Variants in DNAH7 observed in about 807,000 individuals in gnomAD.
The protein encoded by DNAH7 is axonemal beta dynein heavy chain 7.
Under a neutral mutation model 444.6 loss-of-function variants are expected in DNAH7, and 397 were observed. The ratio of observed to expected loss-of-function variants is 0.89; its 90% CI spans 0.82 to 0.97. The LOEUF (loss-of-function observed/expected upper bound fraction) is 0.97. Ranked by LOEUF, DNAH7 falls within the 50% of genes least tolerant of loss-of-function variation. DNAH7 has a pLI of 0.00. For synonymous variants in DNAH7, 1,636 were observed against 1,624.4 expected, an observed-to-expected ratio of 1.01 and a Z score of -0.17; for missense variants, 4,902 against 4,800.8, an observed-to-expected ratio of 1.02 and a Z score of -0.62.
chr2:195,756,318 G>C, intron 61 of DNAH7, 33 bp from the exon 62 acceptor site: 1 of 1,554,770 alleles, frequency 6.4e-7, no homozygotes, highest in Non-Finnish European at 8.7e-7. Context: ...TAATATAATA[G>C]TATAGATTAT....
chr2:195,920,785 CCA>C (rs1292395082), intron 24 of DNAH7, among the ~76,000 whole-genome samples: 4 of 152,092 alleles, frequency 2.6e-5, no homozygotes, highest in Non-Finnish European at 5.9e-5. Context: ...AACAGACAAC[CCA>C]CAGAGTGGGA....
intron 59 of DNAH7, among the ~76,000 whole-genome samples, 192 bp downstream of exon 59, chr2:195,777,608 T>G (rs1695120046): frequency 6.6e-6 from 1 of 152,172 alleles, no homozygotes; most frequent in African/African-American, 2.4e-5. Context: ...ACTTCTTACA[T>G]TACAGTGAAC....
At chr2:196,050,788 C>T (rs958835381) in intron 3 of DNAH7, among the ~76,000 whole-genome samples, 1 of 152,124 alleles carries the variant, frequency 6.6e-6, no homozygotes. Context: ...TGCTGGAAGA[C>T]CCATCTCCTT....
intron 19 of DNAH7, 121 bp downstream of exon 19, chr2:195,957,140 A>G: frequency 1.2e-6 from 1 of 807,522 alleles, no homozygotes; most frequent in Non-Finnish European, 1.8e-6. Context: ...CTGAAAAGAC[A>G]ATGTATGTAT....
intron 12 of DNAH7, among the ~76,000 whole-genome samples, chr2:195,990,757 TAG>T (rs1228389849): frequency 6.7e-6 from 1 of 148,924 alleles, no homozygotes; most frequent in Non-Finnish European, 1.5e-5. Flanking sequence ...CCATGATGTT[TAG>T]GTTACTATAG....
At chr2:195,954,259 T>C (rs1453721168) in intron 19 of DNAH7, among the ~76,000 whole-genome samples, 2 of 152,166 alleles carry the variant, frequency 1.3e-5, no homozygotes, top group Non-Finnish European at 2.9e-5. Context: ...TTCCCACCTA[T>C]GAGTGAGAAC....
chr2:195,995,153 C>A, intron 12 of DNAH7: 1 of 304,040 alleles, frequency 3.3e-6, no homozygotes, highest in Non-Finnish European at 6.4e-6. Context: ...TGGTCTTGAT[C>A]TCTTGACCTC....
chr2:195,827,733 C>G (rs1013229719), intron 48 of DNAH7, among the ~76,000 whole-genome samples: 6 of 151,808 alleles, frequency 4.0e-5, no homozygotes, highest in African/African-American at 1.4e-4. Flanking sequence ...CATGGACCAC[C>G]AGGCTCAGCT....
intron 39 of DNAH7, among the ~76,000 whole-genome samples, 167 bp from the exon 40 acceptor site, chr2:195,872,636 C>T (rs1380354810): frequency 1.3e-5 from 2 of 151,906 alleles, no homozygotes; most frequent in African/African-American, 2.4e-5. Flanking sequence ...TAGATTTTTA[C>T]TCCTTTTAAA....
At chr2:196,063,263 T>A (rs987636297) in intron 1 of DNAH7, 1 of 152,242 alleles carries the variant, frequency 6.6e-6, no homozygotes, top group African/African-American at 2.4e-5. Context: ...GTGCTGATAC[T>A]GTGGTTGGAT....
chr2:195,773,019 G>C (rs1178656011), intron 60 of DNAH7, among the ~76,000 whole-genome samples: 1 of 152,052 alleles, frequency 6.6e-6, no homozygotes, highest in East Asian at 1.9e-4. Flanking sequence ...GGCCTCAGGT[G>C]ATCCGCCTGC....
chr2:195,803,508 T>C (rs1696571136), intron 54 of DNAH7, among the ~76,000 whole-genome samples: 1 of 152,252 alleles, frequency 6.6e-6, no homozygotes, highest in Non-Finnish European at 1.5e-5. Context: ...TAAATGAACC[T>C]GCGTTAGCTA....
chr2:196,055,951 TTTC>T (rs1697774939), intron 2 of DNAH7, among the ~76,000 whole-genome samples: 1 of 152,208 alleles, frequency 6.6e-6, no homozygotes. Flanking sequence ...ACCTTAATGT[TTTC>T]TTCTTACATT....
intron 6 of DNAH7, among the ~76,000 whole-genome samples, 167 bp downstream of exon 6, chr2:196,027,793 T>C (rs569723860): frequency 2.6e-5 from 4 of 152,282 alleles, no homozygotes; most frequent in Admixed American, 6.5e-5. Context: ...AGGGAGAGAA[T>C]GATTTCTTCT....
At chr2:195,859,832 T>C (rs1423702467) in intron 42 of DNAH7, among the ~76,000 whole-genome samples, 1 of 152,154 alleles carries the variant, frequency 6.6e-6, no homozygotes, top group Non-Finnish European at 1.5e-5. Context: ...AAAGGTCTCA[T>C]TCCTGCCAGC....
At position 195,770,867 on chromosome 2, in the gene DNAH7, T is replaced by C. The variant is rs944782631; in HGVS notation, c.11433+793A>G. Among the ~76,000 whole-genome samples the C allele has an allele frequency of 9.8e-5, 11 of 112,286 alleles. No individual in the cohort carries two copies. In the Admixed American group the frequency reaches 1.0e-3, roughly 10 times the overall value. 73.7% of individuals were successfully genotyped at this position (112,286 alleles called of 152,430 possible). ...GTAGCATACACCACAATGCCCAGCA[T>C]TTTTTTTTTTTTTTTCAGAAGAGAC... On this transcript the variant is annotated intron_variant, in intron 61 of 64. Transcript: ENST00000312428.
At chr2:195,916,010 G>A (rs115484459) in intron 24 of DNAH7, among the ~76,000 whole-genome samples, 1,696 of 152,264 alleles carry the variant, frequency 0.011, 12 homozygotes, top group Non-Finnish European at 0.017. Context: ...ACATATTTAA[G>A]AAACATTTCT....
chr2:195,854,359 T>C (rs1047640765), intron 45 of DNAH7, among the ~76,000 whole-genome samples: 3 of 152,202 alleles, frequency 2.0e-5, no homozygotes, highest in Non-Finnish European at 2.9e-5. Context: ...TAGGTTATTT[T>C]GGAATAGGAA....
chr2:195,809,162 G>T (rs978958489), intron 52 of DNAH7, among the ~76,000 whole-genome samples: 2 of 152,138 alleles, frequency 1.3e-5, no homozygotes, highest in East Asian at 3.8e-4. Context: ...TCGAATACGT[G>T]TTTTCCAAAA....
Sources: allele counts gnomAD v4.1 joint callset (sites outside exome capture counted in the v4.1 genomes callset), GRCh38; gene constraint gnomAD v4.1.1; transcripts MANE v1.5; gene names NCBI Gene and HGNC (gene_info 2026-07-23, HGNC 2026-07-21).